CDH12: variants seen among roughly 807,000 people sequenced by gnomAD.
CDH12 encodes the protein cadherin-12.
CDH12 carries 41 observed loss-of-function variants against 74.1 expected under a neutral mutation model. The observed-to-expected ratio is 0.55, with a 90% CI of 0.43 to 0.72. The LOEUF (loss-of-function observed/expected upper bound fraction) is 0.72. Among genes scored for constraint, CDH12 ranks in the 30% least tolerant of loss-of-function variants. The pLI is 0.00. For synonymous variants in CDH12, 399 were observed against 355.0 expected, an observed-to-expected ratio of 1.12 and a Z score of -1.39; for missense variants, 945 against 977.2, an observed-to-expected ratio of 0.97 and a Z score of 0.44.
At chr5:22,216,180 G>C (rs1442914293) in intron 3 of CDH12, among the ~76,000 whole-genome samples, 1 of 151,996 alleles carries the variant, frequency 6.6e-6, no homozygotes, top group African/African-American at 2.4e-5. Context: ...TATATAAACA[G>C]AAGTCAGTCT....
At chr5:22,008,694 A>T (rs1227632101) in intron 5 of CDH12, among the ~76,000 whole-genome samples, 2 of 152,124 alleles carry the variant, frequency 1.3e-5, no homozygotes, top group Non-Finnish European at 2.9e-5. Context: ...ACTTTATCTG[A>T]GGGAATATTT....
rs148657295 is a variant in CDH12, at chr5:22,085,977, G to A, written c.-186-7115C>T. On this transcript the variant is annotated intron_variant, in intron 4 of 14. Coordinates refer to ENST00000382254, the MANE Select transcript of CDH12 (RefSeq NM_004061.5). ...TTATGCAAATTTTAAGCTTTGTTCA[G>A]GAAAACATGGTACTTTTTGAAAAGC... Among the ~76,000 whole-genome samples the A allele has an allele frequency of 2.1e-3, 327 of 152,258 alleles. 2 individuals are homozygous for A. The highest frequency in any genetic ancestry group is 6.5e-3 in the African/African-American group (271 of 41,558).
intron 3 of CDH12, among the ~76,000 whole-genome samples, chr5:22,310,879 G>A (rs1048030956): frequency 1.1e-4 from 16 of 152,090 alleles, no homozygotes; most frequent in South Asian, 2.1e-4. Context: ...CTCACCATCC[G>A]AAGTCTCAGA....
At chr5:22,508,166 A>G (rs1023999220) in intron 1 of CDH12, among the ~76,000 whole-genome samples, 1 of 152,204 alleles carries the variant, frequency 6.6e-6, no homozygotes, top group Non-Finnish European at 1.5e-5. Flanking sequence ...GAATTAGAAC[A>G]TGGCTGTCTT....
At chr5:22,769,108 T>A (rs931399751) in intron 1 of CDH12, among the ~76,000 whole-genome samples, 3 of 152,128 alleles carry the variant, frequency 2.0e-5, no homozygotes, top group Non-Finnish European at 4.4e-5. Flanking sequence ...CTAAGAGGTG[T>A]CAACTTGATT....
intron 2 of CDH12, among the ~76,000 whole-genome samples, chr5:22,467,605 C>G (rs188258365): frequency 2.6e-5 from 4 of 152,238 alleles, no homozygotes; most frequent in Admixed American, 6.5e-5. Flanking sequence ...TTGTTTACAC[C>G]ATTCATCAGT....
chr5:22,633,660 C>T (rs946954626), intron 1 of CDH12, among the ~76,000 whole-genome samples: 4 of 152,130 alleles, frequency 2.6e-5, no homozygotes, highest in African/African-American at 7.2e-5. Flanking sequence ...TGAGGTATGA[C>T]AGTGATCTTC....
intron 1 of CDH12, among the ~76,000 whole-genome samples, chr5:22,591,564 T>C (rs1253864351): frequency 6.6e-6 from 1 of 152,096 alleles, no homozygotes; most frequent in Non-Finnish European, 1.5e-5. Context: ...TATCATTTCA[T>C]CTCATTTTCT....
intron 1 of CDH12, among the ~76,000 whole-genome samples, chr5:22,668,705 T>G (rs1288151490): frequency 6.6e-6 from 1 of 152,178 alleles, no homozygotes; most frequent in Non-Finnish European, 1.5e-5. Context: ...CCTTCATGAT[T>G]TAACCCAACC....
intron 4 of CDH12, among the ~76,000 whole-genome samples, chr5:22,165,118 G>A (rs1046764213): frequency 4.6e-5 from 7 of 151,824 alleles, no homozygotes; most frequent in African/African-American, 1.7e-4. Flanking sequence ...GCAGCCAAAG[G>A]GGCTGGTTAA....
intron 1 of CDH12, among the ~76,000 whole-genome samples, chr5:22,537,563 A>G (rs1737907443): frequency 1.3e-5 from 2 of 152,072 alleles, no homozygotes; most frequent in South Asian, 4.1e-4. Flanking sequence ...AACCAAAGAC[A>G]TGCCAGCCCT....
At chr5:22,361,017 C>G (rs890381912) in intron 3 of CDH12, among the ~76,000 whole-genome samples, 2 of 152,104 alleles carry the variant, frequency 1.3e-5, no homozygotes, top group African/African-American at 2.4e-5. Flanking sequence ...TAAAAACTGG[C>G]AAAAGACAGG....
chr5:21,972,937 C>A (rs1458009780), intron 6 of CDH12, among the ~76,000 whole-genome samples: 4 of 151,292 alleles, frequency 2.6e-5, no homozygotes, highest in African/African-American at 4.9e-5. Context: ...GAGGGTGGCT[C>A]ATGACTGTAA....
intron 1 of CDH12, among the ~76,000 whole-genome samples, chr5:22,707,117 C>T (rs759420798): frequency 4.6e-5 from 7 of 152,140 alleles, no homozygotes; most frequent in Non-Finnish European, 1.0e-4. Flanking sequence ...AACCTAATCA[C>T]ACCCCACCCA....
chr5:22,472,742 C>A (rs192969053), intron 2 of CDH12, among the ~76,000 whole-genome samples: 24 of 152,210 alleles, frequency 1.6e-4, no homozygotes, highest in African/African-American at 4.6e-4. Flanking sequence ...AATTTTACCA[C>A]ACCCAGAAAC....
chr5:21,880,521 T>C (rs1561267848), intron 6 of CDH12, among the ~76,000 whole-genome samples: 3 of 130,376 alleles, frequency 2.3e-5, no homozygotes, highest in Admixed American at 7.5e-5. Context: ...CTCCCTCTTT[T>C]CTTTCTTCCT....
chr5:22,694,951 G>A (rs982588270), intron 1 of CDH12, among the ~76,000 whole-genome samples: 1 of 151,806 alleles, frequency 6.6e-6, no homozygotes. Context: ...TTTAAGCCCC[G>A]CATGCATTAG....
intron 6 of CDH12, among the ~76,000 whole-genome samples, chr5:21,923,243 C>A (rs1579967495): frequency 6.6e-6 from 1 of 152,024 alleles, no homozygotes; most frequent in African/African-American, 2.4e-5. Context: ...ATTCAAATTT[C>A]TATTCAATGC....
At chr5:21,982,636 TATCTAC>T (rs1757358255) in intron 5 of CDH12, among the ~76,000 whole-genome samples, 1 of 151,834 alleles carries the variant, frequency 6.6e-6, no homozygotes, top group South Asian at 2.1e-4. Context: ...TCTATAACTA[TATCTAC>T]ATCTACATCT....
Sources: gnomAD v4.1 joint callset for allele counts (sites outside exome capture counted in the v4.1 genomes callset) on GRCh38, gnomAD v4.1.1 for gene constraint, MANE v1.5 for transcripts, NCBI Gene and HGNC (gene_info 2026-07-23, HGNC 2026-07-21) for gene names.